The following PSD3 variants were observed in gnomAD, a reference collection of about 807,000 sequenced individuals.
PSD3 encodes pleckstrin and Sec7 domain containing 3, also known as PH and SEC7 domain-containing protein 3.
A neutral mutation model predicts 105.5 loss-of-function variants in PSD3; 49 were observed. The ratio of observed to expected loss-of-function variants is 0.46; its 90% CI spans 0.37 to 0.59. PSD3 has a LOEUF of 0.59. PSD3 is among the 20% of genes least tolerant of loss of function. The pLI is 0.00. For missense variants in PSD3, 1,561 were observed against 1,263.8 expected (o/e 1.24, Z -3.57); for synonymous variants, 557 against 457.8 (o/e 1.22, Z -2.77).
At chr8:18,708,917 G>A (rs1802065826) in intron 9 of PSD3, among the ~76,000 whole-genome samples, 1 of 152,176 alleles carries the variant, frequency 6.6e-6, no homozygotes, top group Non-Finnish European at 1.5e-5. Flanking sequence ...GGGAGGTGGA[G>A]AGTGATCATA....
chr8:18,922,890 C>T (rs1329986976), intron 2 of PSD3, among the ~76,000 whole-genome samples: 1 of 152,178 alleles, frequency 6.6e-6, no homozygotes, highest in South Asian at 2.1e-4. Context: ...GTTCCATGCC[C>T]TCTCTGGACA....
At chr8:18,739,283 G>A (rs1193680736) in intron 9 of PSD3, among the ~76,000 whole-genome samples, 5 of 152,080 alleles carry the variant, frequency 3.3e-5, no homozygotes, top group African/African-American at 7.2e-5. Context: ...GATCTTTGTG[G>A]AAGAAAAAGA....
At chr8:18,595,507 A>T (rs1804028104) in intron 12 of PSD3, among the ~76,000 whole-genome samples, 1 of 151,336 alleles carries the variant, frequency 6.6e-6, no homozygotes, top group Non-Finnish European at 1.5e-5. Flanking sequence ...AGAGAGAAAA[A>T]AAAACCCAAG....
chr8:18,883,248 G>A (rs1194702080), intron 2 of PSD3, among the ~76,000 whole-genome samples: 2 of 152,112 alleles, frequency 1.3e-5, no homozygotes, highest in South Asian at 4.2e-4. Context: ...TATTTTAAAA[G>A]AGATCATAAC....
intron 9 of PSD3, among the ~76,000 whole-genome samples, chr8:18,761,922 A>G (rs1156951897): frequency 6.6e-6 from 1 of 152,166 alleles, no homozygotes; most frequent in African/African-American, 2.4e-5. Context: ...GATCTGGCCT[A>G]TTTTGTTATA....
chr8:18,762,801 C>T (rs1489778794), intron 9 of PSD3: 4 of 604,082 alleles, frequency 6.6e-6, no homozygotes, highest in South Asian at 2.0e-5. Flanking sequence ...ACAAGCTTCT[C>T]ATTTCTCACA....
intron 9 of PSD3, among the ~76,000 whole-genome samples, chr8:18,710,248 G>T (rs1802169162): frequency 6.6e-6 from 1 of 152,132 alleles, no homozygotes; most frequent in African/African-American, 2.4e-5. Context: ...AATCTCAGAG[G>T]TGAAGACTAT....
chr8:18,899,222 T>C (rs1294770717), intron 2 of PSD3, among the ~76,000 whole-genome samples: 2 of 152,210 alleles, frequency 1.3e-5, no homozygotes, highest in African/African-American at 4.8e-5. Flanking sequence ...GTGATACCTA[T>C]TTGCTCTTGA....
At chr8:18,934,221 G>A (rs1439418826) in intron 2 of PSD3, among the ~76,000 whole-genome samples, 1 of 152,152 alleles carries the variant, frequency 6.6e-6, no homozygotes, top group Non-Finnish European at 1.5e-5. Flanking sequence ...ACAGCTGTAT[G>A]TATTAAGTCA....
At chr8:18,695,464 C>T (rs1801206152) in intron 9 of PSD3, among the ~76,000 whole-genome samples, 1 of 152,212 alleles carries the variant, frequency 6.6e-6, no homozygotes, top group Non-Finnish European at 1.5e-5. Context: ...CAGAAGACCC[C>T]TGAAGGATTC....
chr8:18,864,574 T>A (rs1158498719), intron 4 of PSD3: 1 of 152,202 alleles, frequency 6.6e-6, no homozygotes, highest in Non-Finnish European at 1.5e-5. Context: ...GGAGAATTCA[T>A]TAGTCTTATT....
chr8:18,703,405 G>A (rs117102296), intron 9 of PSD3, among the ~76,000 whole-genome samples: 11 of 152,172 alleles, frequency 7.2e-5, no homozygotes, highest in Admixed American at 1.3e-4. Context: ...TTAAGACGTC[G>A]AAATTGAAAT....
intron 1 of PSD3, among the ~76,000 whole-genome samples, chr8:19,023,852 G>A (rs566047405): frequency 6.6e-6 from 1 of 152,194 alleles, no homozygotes; most frequent in Non-Finnish European, 1.5e-5. Flanking sequence ...ACAAATGAAA[G>A]TTTGGTCCCA....
At position 18,878,143 on chromosome 8, in the gene PSD3, AT is replaced by A. The variant is rs376613704; in HGVS notation, c.131-5411del. Among the ~76,000 whole-genome samples, 1,487 of 151,010 alleles carry A rather than the reference AT, an allele frequency of 9.8e-3. 31 individuals are homozygous for A. The highest frequency in any genetic ancestry group is 0.034 in the African/African-American group (1,409 of 41,154). On this transcript the variant is annotated intron_variant, in intron 2 of 15. Transcript: ENST00000327040. Reference sequence around the variant, plus strand: ...TAATCTTCTTTAATTTCTTTTAGCCATTTTTTTTTATAATTTTAAATGTACA... The same window carrying A: ...TAATCTTCTTTAATTTCTTTTAGCCATTTTTTTTATAATTTTAAATGTACA...
At position 18,587,076 on chromosome 8, in the gene PSD3, G is replaced by C. The variant is rs113602300; in HGVS notation, c.2482-11791C>G. Among the ~76,000 whole-genome samples, 1,204 of 152,234 alleles carry C rather than the reference G, an allele frequency of 7.9e-3. 19 individuals are homozygous for C. Among genetic ancestry groups the C allele is most frequent in the African/African-American group, 0.028 (1,157 of 41,534 alleles). ...TTTCTCCTCTCCTCACCCAAATAGT[G>C]GGGGATTGGCTGAAGAAGGGAAGAA... On this transcript the variant is annotated intron_variant, in intron 12 of 15. Transcript: ENST00000327040.
intron 2 of PSD3, among the ~76,000 whole-genome samples, chr8:18,913,892 G>A (rs1361915280): frequency 1.3e-5 from 2 of 151,880 alleles, no homozygotes; most frequent in Non-Finnish European, 2.9e-5. Flanking sequence ...TATTGATCCA[G>A]GTACCAAGCC....
intron 2 of PSD3, among the ~76,000 whole-genome samples, chr8:18,912,544 A>G (rs1020844314): frequency 5.9e-5 from 9 of 152,244 alleles, no homozygotes; most frequent in Non-Finnish European, 8.8e-5. Flanking sequence ...TAATTAGGTG[A>G]AAATCTAAAA....
intron 2 of PSD3, among the ~76,000 whole-genome samples, chr8:18,912,972 G>A (rs1563412800): frequency 6.6e-6 from 1 of 151,772 alleles, no homozygotes; most frequent in South Asian, 2.1e-4. Flanking sequence ...TACACTCCTA[G>A]AGCTACTTAA....
chr8:18,763,352 TTGGA>T (rs1196929387), intron 9 of PSD3, among the ~76,000 whole-genome samples: 1 of 152,080 alleles, frequency 6.6e-6, no homozygotes, highest in African/African-American at 2.4e-5. Flanking sequence ...AACATGGAGA[TTGGA>T]AAGGTGGCAA....
Sources: gnomAD v4.1 joint callset for allele counts (sites outside exome capture counted in the v4.1 genomes callset) on GRCh38, gnomAD v4.1.1 for gene constraint, MANE v1.5 for transcripts, NCBI Gene and HGNC (gene_info 2026-07-23, HGNC 2026-07-21) for gene names.